Variants in MNAT1 observed in about 807,000 individuals in gnomAD.
The protein encoded by MNAT1 is CDK-activating kinase assembly factor MAT1.
A neutral mutation model predicts 42.0 loss-of-function variants in MNAT1; 43 were observed. The observed-to-expected ratio is 1.02, with a 90% CI of 0.80 to 1.32. MNAT1 has a LOEUF of 1.32. MNAT1 is among the 40% of genes most tolerant of loss of function. The pLI, the probability that MNAT1 is intolerant of heterozygous loss-of-function variation, is 0.00. For missense variants in MNAT1, 306 were observed against 350.4 expected (o/e 0.87, Z 1.01); for synonymous variants, 118 against 120.0 (o/e 0.98, Z 0.11).
chr14:60,876,983 T>A (rs2034449475), intron 6 of MNAT1, among the ~76,000 whole-genome samples: 1 of 152,096 alleles, frequency 6.6e-6, no homozygotes, highest in Non-Finnish European at 1.5e-5. Flanking sequence ...GTGGTAATTC[T>A]GTTTTTAATT....
intron 1 of MNAT1, among the ~76,000 whole-genome samples, chr14:60,784,758 A>G (rs1419729631): frequency 7.3e-5 from 11 of 151,424 alleles, no homozygotes; most frequent in Non-Finnish European, 1.5e-5. Flanking sequence ...CCACCGTGCC[A>G]GGCAACGAAA....
intron 1 of MNAT1, among the ~76,000 whole-genome samples, chr14:60,778,308 T>A (rs1367886066): frequency 6.6e-6 from 1 of 152,206 alleles, no homozygotes; most frequent in Non-Finnish European, 1.5e-5. Flanking sequence ...GTCTCTGTTA[T>A]CAGAGTCCTT....
chr14:60,911,118 G>T (rs1333755691), intron 7 of MNAT1, among the ~76,000 whole-genome samples: 1 of 152,176 alleles, frequency 6.6e-6, no homozygotes, highest in African/African-American at 2.4e-5. Flanking sequence ...GTGTAGAGGT[G>T]TTTATAGTAT....
chr14:60,893,500 A>G (rs1368578209), intron 7 of MNAT1, among the ~76,000 whole-genome samples: 1 of 152,156 alleles, frequency 6.6e-6, no homozygotes, highest in East Asian at 1.9e-4. Context: ...ATTCTGTATG[A>G]CAGAATAGTA....
chr14:60,868,869 C>T (rs2034261211), intron 6 of MNAT1, among the ~76,000 whole-genome samples: 1 of 151,774 alleles, frequency 6.6e-6, no homozygotes, highest in Admixed American at 6.6e-5. Context: ...TTCTTATGTA[C>T]TCTCATAGTA....
At chr14:60,779,209 T>G (rs1048270375) in intron 1 of MNAT1, among the ~76,000 whole-genome samples, 2 of 152,212 alleles carry the variant, frequency 1.3e-5, no homozygotes, top group African/African-American at 4.8e-5. Context: ...TCCGCTGATA[T>G]GTCTCATGGT....
At chr14:60,838,045 CT>C (rs909150254) in intron 6 of MNAT1, among the ~76,000 whole-genome samples, 1 of 151,962 alleles carries the variant, frequency 6.6e-6, no homozygotes, top group African/African-American at 2.4e-5. Flanking sequence ...TGACCTCTCA[CT>C]TTTTTTTCCC....
chr14:60,834,752 T>G (rs1352501583), intron 6 of MNAT1, among the ~76,000 whole-genome samples: 3 of 152,134 alleles, frequency 2.0e-5, no homozygotes, highest in Non-Finnish European at 4.4e-5. Flanking sequence ...AAATTGACAG[T>G]GGGGTGTTAA....
chr14:60,966,321 T>C (rs566818725), intron 7 of MNAT1, among the ~76,000 whole-genome samples: 2 of 152,168 alleles, frequency 1.3e-5, no homozygotes, highest in Non-Finnish European at 2.9e-5. Flanking sequence ...GGTTTCACCA[T>C]GTTGGCCAGG....
Position 60,969,145 on chromosome 14 carries a change from C to G in MNAT1, c.*796C>G, listed in dbSNP as rs2036734387. Reference sequence around the variant, plus strand: ...GAGAAGGTACATTTTAAGTACAGTTCCCTATGTATAAATTGTATACTGATA... The same window carrying G: ...GAGAAGGTACATTTTAAGTACAGTTGCCTATGTATAAATTGTATACTGATA... On this transcript the variant is annotated 3_prime_UTR_variant, in exon 8 of 8. Coordinates refer to ENST00000261245, the MANE Select transcript of MNAT1 (RefSeq NM_002431.4). The G allele has an allele frequency of 6.6e-6, 1 of 152,206 alleles. No individual in the cohort carries two copies. The highest frequency in any genetic ancestry group is 1.5e-5 in the Non-Finnish European group (1 of 68,084). 9.4% of individuals were successfully genotyped at this position (152,206 alleles called of 1,614,324 possible).
chr14:60,759,897 A>T (rs1045828878), intron 1 of MNAT1, among the ~76,000 whole-genome samples: 4 of 152,184 alleles, frequency 2.6e-5, no homozygotes, highest in African/African-American at 4.8e-5. Flanking sequence ...AAATTTTTTT[A>T]AATTATAAGA....
rs149129685 is a variant in MNAT1, at chr14:60,813,207, C to T, written c.561+1080C>T. On this transcript the variant is annotated intron_variant, in intron 5 of 7. Coordinates refer to ENST00000261245, the MANE Select transcript of MNAT1 (RefSeq NM_002431.4). ...TTTGCTTCTGTGTCCGTGCCTGGGG[C>T]GGATGGCTGGGTCCTGCACTTGCTT... Among the ~76,000 whole-genome samples the T allele has an allele frequency of 2.3e-3, 344 of 152,310 alleles. 2 individuals are homozygous for T. Among genetic ancestry groups the T allele is most frequent in the African/African-American group, 7.0e-3 (291 of 41,578 alleles).
At chr14:60,817,735 A>T (rs572178323) in intron 5 of MNAT1, among the ~76,000 whole-genome samples, 1 of 152,150 alleles carries the variant, frequency 6.6e-6, no homozygotes, top group South Asian at 2.1e-4. Flanking sequence ...TTTCTTCAGG[A>T]TCAAATTCTG....
chr14:60,760,479 T>A (rs2030555544), intron 1 of MNAT1, among the ~76,000 whole-genome samples: 1 of 152,232 alleles, frequency 6.6e-6, no homozygotes. Flanking sequence ...GCCTTTCATA[T>A]TTGTGTTTAG....
chr14:60,893,971 A>G (rs2034897704), intron 7 of MNAT1, among the ~76,000 whole-genome samples: 4 of 152,156 alleles, frequency 2.6e-5, no homozygotes, highest in African/African-American at 9.7e-5. Context: ...CCAGAGGCCA[A>G]CAATTTGTAT....
intron 6 of MNAT1, among the ~76,000 whole-genome samples, chr14:60,873,635 A>ATT (rs11351310): frequency 1.8e-5 from 2 of 108,246 alleles, no homozygotes; most frequent in Non-Finnish European, 2.0e-5. Flanking sequence ...TGCCTGGCTA[A>ATT]TTTTTTTTTT....
chr14:60,872,640 A>G (rs2034350811), intron 6 of MNAT1, among the ~76,000 whole-genome samples: 1 of 150,464 alleles, frequency 6.6e-6, no homozygotes, highest in African/African-American at 2.4e-5. Flanking sequence ...CTTTGGTGCT[A>G]TTATATTTTT....
At chr14:60,811,354 G>C (rs142131486) in intron 4 of MNAT1, among the ~76,000 whole-genome samples, 260 of 138,840 alleles carry the variant, frequency 1.9e-3, no homozygotes, top group African/African-American at 6.8e-3. Context: ...CCAGGCTGGA[G>C]TGTAATGGTG....
chr14:60,929,170 AATAT>A (rs57354716), intron 7 of MNAT1, among the ~76,000 whole-genome samples: 7 of 47,462 alleles, frequency 1.5e-4, no homozygotes, highest in Admixed American at 6.0e-4. Flanking sequence ...AAAAAAAAAA[AATAT>A]ATATATATAT....
Sources: allele counts gnomAD v4.1 joint callset (sites outside exome capture counted in the v4.1 genomes callset), GRCh38; gene constraint gnomAD v4.1.1; transcripts MANE v1.5; gene names NCBI Gene and HGNC (gene_info 2026-07-23, HGNC 2026-07-21).